PABPC1L: variants seen among roughly 807,000 people sequenced by gnomAD.
PABPC1L encodes polyadenylate-binding protein 1-like.
In PABPC1L, 31 loss-of-function variants were observed where a neutral mutation model predicts 66.6. The ratio of observed to expected loss-of-function variants is 0.47; its 90% CI spans 0.35 to 0.63. The LOEUF is 0.63. Among genes scored for constraint, PABPC1L ranks in the 20% least tolerant of loss-of-function variants. The probability of loss-of-function intolerance (pLI) is 0.00; values close to 1 mark genes in which losing one functional copy is unlikely to be tolerated. For synonymous variants in PABPC1L, 348 were observed against 335.1 expected, an observed-to-expected ratio of 1.04 and a Z score of -0.42; for missense variants, 722 against 848.8, an observed-to-expected ratio of 0.85 and a Z score of 1.86.
intron 9 of PABPC1L, 156 bp downstream of exon 9, chr20:44,932,588 A>G: frequency 1.6e-6 from 1 of 615,982 alleles, no homozygotes. Flanking sequence ...CATGGGCCTG[A>G]ATGAGACGTG....
chr20:44,918,993 C>T lies in PABPC1L; in HGVS notation c.591C>T (p.Asn197=), dbSNP rs2066755209. The change falls in exon 4 of 15, where the codon AAC becomes AAT. Residue 197 remains asparagine (N), a synonymous_variant. Coordinates refer to ENST00000217073, the MANE Select transcript of PABPC1L (RefSeq NM_001372179.1). The stretch of plus-strand genomic sequence containing the variant: ...AGTTCACCAACATCTACGTGAAGAA[C>T]CTCCCGGTGGATGTGGACGAGCAAG... ...ALEFTNIYVK[N]LPVDVDEQGL... is the part of the protein sequence containing the mutation. 6.2e-7 allele frequency: 1 copy of T among 1,613,622 alleles called. No homozygotes were observed. Among genetic ancestry groups the T allele is most frequent in the African/African-American group, 1.3e-5 (1 of 75,026 alleles).
chr20:44,920,530 G>A (rs1381595438), intron 5 of PABPC1L, among the ~76,000 whole-genome samples: 2 of 152,188 alleles, frequency 1.3e-5, no homozygotes, highest in South Asian at 2.1e-4. Flanking sequence ...ATGCAGTGAC[G>A]TGATCTCGGC....
At chr20:44,919,123 C>T (rs1309336158) in intron 4 of PABPC1L, 60 bp from the exon 5 acceptor site, 3 of 1,613,788 alleles carry the variant, frequency 1.9e-6, no homozygotes, top group African/African-American at 2.7e-5. Context: ...AGGAGGGGCT[C>T]TCCTGGGGTT....
At chr20:44,934,070 A>G (rs1317745565) in intron 10 of PABPC1L, among the ~76,000 whole-genome samples, 1 of 152,152 alleles carries the variant, frequency 6.6e-6, no homozygotes, top group Non-Finnish European at 1.5e-5. Context: ...AGGATCAATG[A>G]GATCATGCAT....
chr20:44,933,068 C>G lies in PABPC1L; in HGVS notation c.1342C>G (p.Pro448Ala). 1.3e-6 allele frequency: 2 copies of G among 1,586,218 alleles called. No individual in the cohort carries two copies. The highest frequency in any genetic ancestry group is 1.7e-6 in the Non-Finnish European group (2 of 1,166,850). ...GTCTGCACCACAAGCTGCCTACCCT[C>G]CAGGTGCCTCAATGGTCCGGCCACC... ...QPPRPSSAYPPGASMVRPPVV... is the reference protein window; with the variant it reads ...QPPRPSSAYPAGASMVRPPVV... The change falls in exon 10 of 15, where the codon CCA becomes GCA. Residue 448 changes from proline (P) to alanine (A), a missense_variant. Transcript: ENST00000217073.
chr20:44,932,204 A>G, intron 8 of PABPC1L, 138 bp from the exon 9 acceptor site: 1 of 521,718 alleles, frequency 1.9e-6, no homozygotes, highest in African/African-American at 2.0e-5. Context: ...AGGAGCTTTC[A>G]TTACAGCCTT....
intron 12 of PABPC1L, chr20:44,936,940 G>A: frequency 3.0e-6 from 2 of 659,914 alleles, no homozygotes; most frequent in Middle Eastern, 4.9e-4. Flanking sequence ...GGATGGTCCT[G>A]AGCTTTCTTC....
At position 44,935,451 on chromosome 20, in the gene PABPC1L, C is replaced by T. The variant is rs770697376; in HGVS notation, c.1520C>T (p.Pro507Leu). ...SGVGCCTPGR[P>L]LLPCKCSSAA... ...GTAGGATGCTGTACACCAGGCCGGC[C>T]GCTCCTGCCGTGCAAATGTTCCTCA... Residue 507 changes from proline (P) to leucine (L), a missense_variant, in exon 11 of 15, where the codon CCG (proline) becomes CTG (leucine). Pro to Leu is a moderately conservative substitution (Grantham distance 98). This residue lies in a region of PABPC1L where 301 missense variants were observed against 337.2 expected (regional missense o/e 0.89). Coordinates refer to ENST00000217073, the MANE Select transcript of PABPC1L (RefSeq NM_001372179.1). 23 of 1,614,174 alleles carry T rather than the reference C, an allele frequency of 1.4e-5. No individual in the cohort carries two copies. Among genetic ancestry groups the T allele is most frequent in the African/African-American group, 2.7e-5 (2 of 75,036 alleles).
chr20:44,935,078 A>C (rs1026614237), intron 10 of PABPC1L, among the ~76,000 whole-genome samples: 6 of 152,024 alleles, frequency 3.9e-5, no homozygotes, highest in Admixed American at 6.5e-5. Context: ...AGGAAAAAAA[A>C]AAAAAAGAAA....
chr20:44,918,831 G>T, intron 3 of PABPC1L, 75 bp from the exon 4 acceptor site: 1 of 1,503,792 alleles, frequency 6.6e-7, no homozygotes, highest in South Asian at 1.3e-5. Context: ...GGCAGCAGTT[G>T]AGCAGGAGTT....
At chr20:44,928,878 A>AAAAAAAG (rs2066829717) in intron 7 of PABPC1L, among the ~76,000 whole-genome samples, 1 of 147,444 alleles carries the variant, frequency 6.8e-6, no homozygotes, top group African/African-American at 2.6e-5. Context: ...AAAAAAAAAA[A>AAAAAAAG]AAAAAAAGAA....
At chr20:44,938,910 CTG>C (rs1276561190) in intron 14 of PABPC1L, among the ~76,000 whole-genome samples, 162 bp downstream of exon 14, 1 of 152,214 alleles carries the variant, frequency 6.6e-6, no homozygotes, top group African/African-American at 2.4e-5. Context: ...AGATGATTAA[CTG>C]TGATCGGAAT....
chr20:44,935,576 T>A lies in PABPC1L; in HGVS notation c.1566+79T>A. ...AGAACCTTAGCTAAGGTGTTGGGCC[T>A]TGGCTTTTTTTCTTTTCTTGGCTTG... is the stretch of plus-strand genomic sequence containing the variant. On this transcript the variant is annotated intron_variant, in intron 11 of 14. Coordinates refer to ENST00000217073, the MANE Select transcript of PABPC1L (RefSeq NM_001372179.1). 3 of 1,192,090 alleles carry A rather than the reference T, an allele frequency of 2.5e-6. No homozygotes were observed. The South Asian group carries it at 4.2e-5, about 17-fold the overall frequency. The allele number at this position is 1,192,090 out of a possible 1,614,324, so 73.8% of individuals were successfully genotyped here. A position where few individuals can be genotyped will look rare whatever the true frequency, so the allele number is the denominator to read the frequency against.
At position 44,935,409 on chromosome 20, in the gene PABPC1L, C is replaced by T; in HGVS notation, c.1478C>T (p.Thr493Ile). ...TTTGCAGCCAACATTGGTACTCAGA[C>T]CACAGGACCCAGTGGGGTAGGATGC... is the stretch of plus-strand genomic sequence containing the variant. ...TQRVANIGTQTTGPSGVGCCT... is the reference protein window; with the variant it reads ...TQRVANIGTQITGPSGVGCCT... Residue 493 changes from threonine to isoleucine, a missense_variant, in exon 11 of 15, where the codon ACC (threonine) becomes ATC (isoleucine). This residue lies in a region of PABPC1L where 301 missense variants were observed against 337.2 expected (regional missense o/e 0.89). Coordinates refer to ENST00000217073, the MANE Select transcript of PABPC1L (RefSeq NM_001372179.1). The T allele has an allele frequency of 6.2e-7, 1 of 1,614,096 alleles. No homozygotes were observed.
At chr20:44,916,280 T>C (rs1191526771) in intron 2 of PABPC1L, among the ~76,000 whole-genome samples, 1 of 152,226 alleles carries the variant, frequency 6.6e-6, no homozygotes, top group East Asian at 1.9e-4. Flanking sequence ...CTTTTCTGTT[T>C]TTATTTTTTT....
intron 11 of PABPC1L, among the ~76,000 whole-genome samples, chr20:44,936,177 C>G (rs1188338402): frequency 6.6e-6 from 1 of 152,064 alleles, no homozygotes; most frequent in African/African-American, 2.4e-5. Flanking sequence ...GTTGCCAAGG[C>G]TGATCTCAAA....
intron 4 of PABPC1L, 64 bp downstream of exon 4, chr20:44,919,109 A>C: frequency 4.3e-6 from 7 of 1,613,160 alleles, no homozygotes; most frequent in Non-Finnish European, 5.1e-6. Flanking sequence ...AAAGTCTGGT[A>C]GGGAGGAGGG....
rs773354471 is a variant in PABPC1L, at chr20:44,930,721, C to G, written c.1234C>G (p.Pro412Ala). 3 of 1,612,518 alleles carry G rather than the reference C, an allele frequency of 1.9e-6. No homozygotes were observed. The highest frequency in any genetic ancestry group is 2.7e-5 in the African/African-American group (2 of 74,936). ...CTCCAGCTACTTCCTGCCTGCCATG[C>G]CCCAGGTGACGGCCTGCCCGCAACT... The part of the protein sequence containing the change: ...QPSSYFLPAM[P>A]QPPAQAAYYG... The change falls in exon 8 of 15, where the codon CCC (proline) becomes GCC (alanine). Residue 412 changes from proline (P) to alanine (A), a missense_variant. This residue lies in a region of PABPC1L where 301 missense variants were observed against 337.2 expected (regional missense o/e 0.89). Transcript: ENST00000217073.
chr20:44,936,213 C>G (rs1248311217), intron 11 of PABPC1L, among the ~76,000 whole-genome samples: 1 of 152,174 alleles, frequency 6.6e-6, no homozygotes, highest in Non-Finnish European at 1.5e-5. Context: ...GATCCTCCCA[C>G]TTTGGCCTTC....
Sources: gnomAD v4.1 joint callset for allele counts (sites outside exome capture counted in the v4.1 genomes callset) on GRCh38, gnomAD v4.1.1 for gene constraint, gnomAD v4.1.1 regional missense constraint, MANE v1.5 for transcripts, NCBI Gene and HGNC (gene_info 2026-07-23, HGNC 2026-07-21) for gene names.